Variants in HS2ST1 observed in about 807,000 individuals in gnomAD.
HS2ST1 encodes the protein heparan sulfate 2-O-sulfotransferase 1.
Under a neutral mutation model 42.9 loss-of-function variants are expected in HS2ST1, and 18 were observed. The observed-to-expected ratio is 0.42, with a 90% confidence interval of 0.29 to 0.62. The LOEUF is 0.62. Among genes scored for constraint, HS2ST1 ranks in the 20% least tolerant of loss-of-function variants. The probability of loss-of-function intolerance (pLI) is 0.21; values close to 1 mark genes in which losing one functional copy is unlikely to be tolerated. For synonymous variants in HS2ST1, 146 were observed against 152.9 expected (o/e 0.95, Z 0.33); for missense variants, 334 against 433.8 (o/e 0.77, Z 2.04).
chr1:86,964,314 C>T (rs969702350), intron 1 of HS2ST1, among the ~76,000 whole-genome samples: 3 of 152,226 alleles, frequency 2.0e-5, no homozygotes, highest in Admixed American at 1.3e-4. Flanking sequence ...TGTAGCTAGC[C>T]GAGATCACGC....
chr1:87,081,103 A>G (rs1248200725), intron 2 of HS2ST1, among the ~76,000 whole-genome samples: 1 of 152,218 alleles, frequency 6.6e-6, no homozygotes, highest in Admixed American at 6.5e-5. Flanking sequence ...ACCCCAATAC[A>G]ATAATAGCTA....
At chr1:87,024,778 G>C (rs1650043736) in intron 1 of HS2ST1, among the ~76,000 whole-genome samples, 1 of 152,028 alleles carries the variant, frequency 6.6e-6, no homozygotes, top group African/African-American at 2.4e-5. Flanking sequence ...ATGGTATTTG[G>C]TTTCTAAGGT....
intron 1 of HS2ST1, among the ~76,000 whole-genome samples, chr1:87,033,059 A>G (rs1424720460): frequency 6.6e-6 from 1 of 152,220 alleles, no homozygotes; most frequent in Non-Finnish European, 1.5e-5. Context: ...GATAAATGCC[A>G]TTGTTTAAAT....
At chr1:86,961,911 A>G (rs1349830368) in intron 1 of HS2ST1, among the ~76,000 whole-genome samples, 1 of 152,170 alleles carries the variant, frequency 6.6e-6, no homozygotes, top group Non-Finnish European at 1.5e-5. Flanking sequence ...TAATGGTCTC[A>G]AGATTCATCC....
rs141279714 is a variant in HS2ST1 at position 87,012,468 on chromosome 1, C to T, written c.125-60466C>T. Among the ~76,000 whole-genome samples the T allele has an allele frequency of 1.6e-3, 243 of 152,288 alleles. 2 individuals are homozygous for T. The highest frequency in any genetic ancestry group is 5.7e-3 in the African/African-American group (235 of 41,556). ...TGAGACTTATACACTATCATGAGAA[C>T]AGCAGAGGAAAGATCCACCCCCATG... On this transcript the variant is annotated intron_variant, in intron 1 of 6. Coordinates refer to ENST00000370550, the MANE Select transcript of HS2ST1 (RefSeq NM_012262.4).
chr1:86,990,951 A>G (rs1276707961), intron 1 of HS2ST1, among the ~76,000 whole-genome samples: 5 of 145,856 alleles, frequency 3.4e-5, no homozygotes, highest in African/African-American at 5.1e-5. Context: ...AAGTGCTGGG[A>G]TTATAGGCCT....
chr1:87,090,621 C>T (rs998788889), intron 3 of HS2ST1, among the ~76,000 whole-genome samples: 20 of 151,992 alleles, frequency 1.3e-4, no homozygotes, highest in Admixed American at 6.6e-5. Context: ...TCCAAAACAG[C>T]AGCCAATGAC....
At chr1:87,012,955 G>C (rs933893443) in intron 1 of HS2ST1, among the ~76,000 whole-genome samples, 2 of 152,238 alleles carry the variant, frequency 1.3e-5, no homozygotes, top group African/African-American at 4.8e-5. Flanking sequence ...TGATGCAGGA[G>C]GTGGGCTTCC....
rs146271580 is a variant in HS2ST1 at position 87,002,973 on chromosome 1, C to G, written c.125-69961C>G. On this transcript the variant is annotated intron_variant, in intron 1 of 6. Transcript: ENST00000370550. ...ATGTACAACACATAAGTGAACTACT[C>G]TTCTCTCGAAGCAATAGGTGCAGAG... Among the ~76,000 whole-genome samples, 704 of 152,350 alleles carry G rather than the reference C, an allele frequency of 4.6e-3. 4 individuals carry two copies. The highest frequency in any genetic ancestry group is 0.02 in the Middle Eastern group (6 of 294).
intron 1 of HS2ST1, among the ~76,000 whole-genome samples, chr1:87,040,269 C>T (rs1650485887): frequency 6.6e-6 from 1 of 152,110 alleles, no homozygotes; most frequent in Admixed American, 6.6e-5. Flanking sequence ...CCATCTCTGT[C>T]TCCCCCTCCC....
Position 87,027,152 on chromosome 1 carries a change from G to A in HS2ST1, c.125-45782G>A, listed in dbSNP as rs533960057. Among the ~76,000 whole-genome samples, 54 of 152,224 alleles carry A rather than the reference G, an allele frequency of 3.5e-4. No homozygotes were observed. In the South Asian group the frequency reaches 0.011, roughly 30 times the overall value. On this transcript the variant is annotated intron_variant, in intron 1 of 6. Transcript: ENST00000370550. ...AGTGTCACTTTTTAAGCACTGTGCA[G>A]CTTCCTGTGTTATTCCCTTCTTTGT...
intron 1 of HS2ST1, among the ~76,000 whole-genome samples, chr1:87,021,165 C>G (rs1052011943): frequency 2.6e-5 from 4 of 152,128 alleles, no homozygotes; most frequent in Non-Finnish European, 4.4e-5. Context: ...AAAAAAATTA[C>G]CAGCAGGCCT....
At chr1:86,930,832 G>A (rs959799045) in intron 1 of HS2ST1, among the ~76,000 whole-genome samples, 1 of 151,930 alleles carries the variant, frequency 6.6e-6, no homozygotes, top group African/African-American at 2.4e-5. Flanking sequence ...TCTTCATCTA[G>A]GTGCTTGTAG....
At chr1:87,038,311 A>C (rs1650434241) in intron 1 of HS2ST1, among the ~76,000 whole-genome samples, 1 of 152,114 alleles carries the variant, frequency 6.6e-6, no homozygotes, top group Admixed American at 6.6e-5. Flanking sequence ...TTTTAAGTAC[A>C]TGCCATATTT....
chr1:86,964,444 C>T (rs570605648), intron 1 of HS2ST1, among the ~76,000 whole-genome samples: 7 of 152,342 alleles, frequency 4.6e-5, no homozygotes, highest in South Asian at 2.1e-4. Context: ...GAGACCAGCC[C>T]GGCCAACACA....
chr1:87,029,166 T>C (rs112640616), intron 1 of HS2ST1, among the ~76,000 whole-genome samples: 2,140 of 152,312 alleles, frequency 0.014, 55 homozygotes, highest in African/African-American at 0.049. Context: ...ATACCTAATA[T>C]AATTTAGTAG....
At chr1:86,998,447 A>G (rs773836472) in intron 1 of HS2ST1, among the ~76,000 whole-genome samples, 6 of 152,214 alleles carry the variant, frequency 3.9e-5, no homozygotes, top group Non-Finnish European at 8.8e-5. Flanking sequence ...CCAGGCAGTA[A>G]ATAAAGCAAT....
intron 5 of HS2ST1, 149 bp downstream of exon 5, chr1:87,098,084 A>G: frequency 7.0e-7 from 1 of 1,432,382 alleles, no homozygotes; most frequent in Non-Finnish European, 9.2e-7. Flanking sequence ...TTTTGCAGTT[A>G]CTTTTAAATG....
chr1:86,919,982 G>T (rs1660258023), intron 1 of HS2ST1, among the ~76,000 whole-genome samples: 1 of 152,166 alleles, frequency 6.6e-6, no homozygotes, highest in Admixed American at 6.6e-5. Flanking sequence ...AGAATTTGTG[G>T]CTGGTAAAAA....
Sources: allele counts gnomAD v4.1 joint callset (sites outside exome capture counted in the v4.1 genomes callset), GRCh38; gene constraint gnomAD v4.1.1; transcripts MANE v1.5; gene names NCBI Gene and HGNC (gene_info 2026-07-23, HGNC 2026-07-21).